SGMS2: variants seen among roughly 807,000 people sequenced by gnomAD.
SGMS2 encodes the protein phosphatidylcholine:ceramide cholinephosphotransferase 2.
In SGMS2, 21 loss-of-function variants were observed where a neutral mutation model predicts 43.8. The observed-to-expected ratio is 0.48, with a 90% CI of 0.34 to 0.69. The LOEUF (loss-of-function observed/expected upper bound fraction) is 0.69, where lower values mean the gene tolerates loss of function less well. SGMS2 is among the 30% of genes least tolerant of loss of function. The pLI is 0.01. For synonymous variants in SGMS2, 167 were observed against 160.6 expected (o/e 1.04, Z -0.30); for missense variants, 384 against 443.2 (o/e 0.87, Z 1.20).
chr4:107,849,993 G>T (rs1230953876), intron 1 of SGMS2, among the ~76,000 whole-genome samples: 1 of 152,182 alleles, frequency 6.6e-6, no homozygotes, highest in Non-Finnish European at 1.5e-5. Context: ...TGGATGTGGG[G>T]CCTGCAGGGA....
intron 2 of SGMS2, among the ~76,000 whole-genome samples, chr4:107,866,277 A>T (rs945714048): frequency 2.0e-5 from 3 of 152,012 alleles, no homozygotes; most frequent in East Asian, 3.9e-4. Flanking sequence ...TTAAAAAAAA[A>T]CTCTTGGCTG....
intron 1 of SGMS2, among the ~76,000 whole-genome samples, chr4:107,828,826 A>G (rs1014763215): frequency 6.6e-6 from 1 of 152,246 alleles, no homozygotes; most frequent in African/African-American, 2.4e-5. Context: ...GATTTCAGCA[A>G]TAGGATCAAC....
chr4:107,869,846 A>G (rs1401400465), intron 2 of SGMS2, among the ~76,000 whole-genome samples: 1 of 152,168 alleles, frequency 6.6e-6, no homozygotes, highest in Non-Finnish European at 1.5e-5. Flanking sequence ...ATTTTCTATT[A>G]TAAATTTTTT....
chr4:107,840,375 G>A (rs1477418838), intron 1 of SGMS2, among the ~76,000 whole-genome samples: 1 of 152,168 alleles, frequency 6.6e-6, no homozygotes, highest in Non-Finnish European at 1.5e-5. Flanking sequence ...ACAAATATTA[G>A]CTGTTGTGAT....
At chr4:107,830,585 G>C (rs1725837722) in intron 1 of SGMS2, among the ~76,000 whole-genome samples, 1 of 152,158 alleles carries the variant, frequency 6.6e-6, no homozygotes, top group African/African-American at 2.4e-5. Flanking sequence ...ACTAGTGTGA[G>C]ATGGTATCTA....
intron 2 of SGMS2, among the ~76,000 whole-genome samples, chr4:107,884,857 C>T (rs1729625592): frequency 6.6e-6 from 1 of 152,152 alleles, no homozygotes; most frequent in South Asian, 2.1e-4. Context: ...GTCATCAAGA[C>T]CTCCTGAGGC....
intron 5 of SGMS2, among the ~76,000 whole-genome samples, chr4:107,906,845 T>C (rs938636648): frequency 1.3e-5 from 2 of 152,208 alleles, no homozygotes; most frequent in Non-Finnish European, 1.5e-5. Flanking sequence ...AATAAACAAA[T>C]GCAAAATAGT....
chr4:107,843,175 T>G (rs1042958298), intron 1 of SGMS2, among the ~76,000 whole-genome samples: 7 of 152,072 alleles, frequency 4.6e-5, no homozygotes, highest in Non-Finnish European at 1.0e-4. Flanking sequence ...CTGGTTTTTT[T>G]TTTTTAATGA....
intron 1 of SGMS2, among the ~76,000 whole-genome samples, chr4:107,827,874 T>G (rs947257713): frequency 5.3e-5 from 8 of 152,104 alleles, no homozygotes; most frequent in African/African-American, 1.9e-4. Flanking sequence ...TAGTCCCAGA[T>G]ACTCGGGAGG....
At chr4:107,855,061 C>T (rs945485256) in intron 1 of SGMS2, among the ~76,000 whole-genome samples, 4 of 152,114 alleles carry the variant, frequency 2.6e-5, no homozygotes, top group African/African-American at 4.8e-5. Context: ...ATATGCAGTA[C>T]AGTTTTAGTC....
chr4:107,901,850 A>G lies in SGMS2; in HGVS notation c.574-1383A>G, dbSNP rs1333284768. Among the ~76,000 whole-genome samples the G allele has an allele frequency of 2.0e-5, 3 of 151,906 alleles. No homozygotes were observed. The East Asian group carries it at 5.8e-4, about 29-fold the overall frequency. On this transcript the variant is annotated intron_variant, in intron 4 of 6. Transcript: ENST00000690982. ...ATTCCCTTCCCTGAGAAAGCTTTCT[A>G]GGGCGAGCTATCCCTCATCTTGGCC...
intron 6 of SGMS2, 120 bp from the exon 7 acceptor site, chr4:107,910,230 C>T (rs779821502): frequency 1.1e-5 from 9 of 811,774 alleles, no homozygotes; most frequent in African/African-American, 1.7e-5. Flanking sequence ...AAAATCATTA[C>T]TGCCATGTGA....
intron 6 of SGMS2, among the ~76,000 whole-genome samples, chr4:107,909,058 T>C (rs980557740): frequency 1.3e-5 from 2 of 152,128 alleles, no homozygotes. Context: ...GACATAATCC[T>C]GCCTTCAACT....
intron 2 of SGMS2, among the ~76,000 whole-genome samples, chr4:107,870,889 TTATA>T (rs1482376069): frequency 6.6e-6 from 1 of 152,166 alleles, no homozygotes; most frequent in African/African-American, 2.4e-5. Context: ...GCACTTTTAT[TTATA>T]TAGAGTCATC....
At position 107,896,783 on chromosome 4, in the gene SGMS2, T is replaced by A. The variant is rs370009322; in HGVS notation, c.455+775T>A. On this transcript the variant is annotated intron_variant, in intron 3 of 6. Transcript: ENST00000690982. ...AGAATTGGACATAGCCCTGAAGTGG[T>A]TATTTCTGCTTCTCTATGTGAATTC... 7.2e-5 allele frequency among the ~76,000 whole-genome samples: 11 copies of A among 152,246 alleles called. No homozygotes were observed. In the East Asian group the frequency reaches 9.7e-4, roughly 13 times the overall value.
chr4:107,848,275 T>C (rs1312849056), intron 1 of SGMS2, among the ~76,000 whole-genome samples: 2 of 152,218 alleles, frequency 1.3e-5, no homozygotes, highest in Non-Finnish European at 2.9e-5. Context: ...TGAATAATAA[T>C]ACTGCATTAT....
Position 107,885,866 on chromosome 4 carries a change from C to T in SGMS2, c.-244-9444C>T, listed in dbSNP as rs1729709435. Among the ~76,000 whole-genome samples, 6 of 151,992 alleles carry T rather than the reference C, an allele frequency of 3.9e-5. No homozygotes were observed. In the South Asian group the frequency reaches 1.2e-3, roughly 32 times the overall value. ...CTTGACTATTGGTTACTGATGTAGC[C>T]ACTACAACAAAGACAAAAATGGCCT... is the stretch of plus-strand genomic sequence containing the variant. On this transcript the variant is annotated intron_variant, in intron 2 of 6. Transcript: ENST00000690982.
chr4:107,891,036 G>C (rs1166372533), intron 2 of SGMS2, among the ~76,000 whole-genome samples: 1 of 152,076 alleles, frequency 6.6e-6, no homozygotes. Context: ...TAGCAAAAAG[G>C]TGGCTTTGTT....
intron 1 of SGMS2, among the ~76,000 whole-genome samples, chr4:107,848,301 T>A (rs2126010423): frequency 6.6e-6 from 1 of 152,328 alleles, no homozygotes; most frequent in Non-Finnish European, 1.5e-5. Context: ...GTACCGTAGT[T>A]TGTTTACTCA....
Sources: gnomAD v4.1 joint callset for allele counts (sites outside exome capture counted in the v4.1 genomes callset) on GRCh38, gnomAD v4.1.1 for gene constraint, MANE v1.5 for transcripts, NCBI Gene and HGNC (gene_info 2026-07-23, HGNC 2026-07-21) for gene names.